Variants in TULP4 observed in about 807,000 individuals in gnomAD.
TULP4 encodes the protein tubby-related protein 4.
In TULP4, 16 loss-of-function variants were observed where a neutral mutation model predicts 129.0. That is an observed-to-expected ratio of 0.12 (90% confidence interval 0.08 to 0.19). The LOEUF is 0.19. TULP4 is among the 10% of genes least tolerant of loss of function. The pLI is 1.00. For missense variants in TULP4, 1,842 were observed against 2,059.1 expected (o/e 0.89, Z 2.04); for synonymous variants, 998 against 854.0 (o/e 1.17, Z -2.94).
chr6:158,502,179 G>A lies in TULP4; in HGVS notation c.2516G>A (p.Gly839Glu), dbSNP rs752341487. ...ATAAACCCTCCACCCCCGTACCCAG[G>A]AACCATCCCCGCTGCCCCCACCACA... ...TKINPPPPYP[G>E]TIPAAPTTAA... Residue 839 changes from glycine to glutamate, a missense_variant, in exon 13 of 14, where the codon GGA becomes GAA. By Grantham distance (98) the Gly-to-Glu change is moderately conservative. Around this residue, in one of 5 missense-constraint regions of TULP4, gnomAD observed 1,089 missense variants for 987.1 expected, o/e 1.10. Coordinates refer to ENST00000367097, the MANE Select transcript of TULP4 (RefSeq NM_020245.5). 32 of 1,545,224 alleles carry A rather than the reference G, an allele frequency of 2.1e-5. No individual in the cohort carries two copies. The highest frequency in any genetic ancestry group is 2.7e-5 in the Non-Finnish European group (31 of 1,145,130).
intron 1 of TULP4, among the ~76,000 whole-genome samples, chr6:158,250,888 C>T (rs1583675798): frequency 6.6e-6 from 1 of 152,312 alleles, no homozygotes; most frequent in Admixed American, 6.5e-5. Context: ...TACCAGTGAT[C>T]TATGGAGGTC....
At chr6:158,362,993 C>T (rs934878869) in intron 1 of TULP4, among the ~76,000 whole-genome samples, 2 of 133,164 alleles carry the variant, frequency 1.5e-5, no homozygotes, top group Non-Finnish European at 3.0e-5. Context: ...ACCCGGGAGG[C>T]GGAGTTTGCA....
In TULP4 at chr6:158,365,899, C is replaced by CTTT. The variant is rs5881257; in HGVS notation, c.253-47147_253-47145dup. ...TCTTTTTTTTTTTTTCTTTTTCTTT[C>CTTT]TTTTTTTTTTTTTTTTTTTTTGAGA... On this transcript the variant is annotated intron_variant, in intron 1 of 13. Transcript: ENST00000367097. Among the ~76,000 whole-genome samples, 185 of 57,564 alleles carry CTTT rather than the reference C, an allele frequency of 3.2e-3. 2 individuals are homozygous for CTTT. Among genetic ancestry groups the CTTT allele is most frequent in the East Asian group, 8.5e-3 (12 of 1,412 alleles). The allele number at this position is 57,564 out of a possible 152,430, so 37.8% of individuals were successfully genotyped here.
intron 1 of TULP4, chr6:158,237,805 A>G (rs1777746032): frequency 2.6e-6 from 2 of 770,516 alleles, no homozygotes; most frequent in African/African-American, 1.7e-5. Context: ...TTTTAGAGAC[A>G]TACTATCTGA....
chr6:158,316,042 T>A (rs1347107610), intron 1 of TULP4, among the ~76,000 whole-genome samples: 1 of 152,218 alleles, frequency 6.6e-6, no homozygotes, highest in Non-Finnish European at 1.5e-5. Flanking sequence ...GGAAATGGAA[T>A]CCTTCATTAC....
rs773306388 is a variant in TULP4 at position 158,503,344 on chromosome 6, T to C, written c.3681T>C (p.Leu1227=). 2 of 1,613,638 alleles carry C rather than the reference T, an allele frequency of 1.2e-6. No individual in the cohort carries two copies. Among genetic ancestry groups the C allele is most frequent in the South Asian group, 2.2e-5 (2 of 91,070 alleles). Residue 1227 remains leucine (L), a synonymous_variant, in exon 13 of 14, where the codon CTT becomes CTC. Transcript: ENST00000367097. The surrounding 1 kb of genome is among the most constrained non-coding windows in gnomAD (Gnocchi z 4.3). The part of the protein sequence containing the change: ...QFAQQEPAVV[L]QPLYPPSLSY... Reference sequence around the variant, plus strand: ...CACAACAGGAGCCTGCTGTGGTCCTTCAGCCGCTGTACCCACCCAGCCTCT... The same window carrying C: ...CACAACAGGAGCCTGCTGTGGTCCTCCAGCCGCTGTACCCACCCAGCCTCT...
intron 1 of TULP4, among the ~76,000 whole-genome samples, chr6:158,340,670 C>T (rs182311446): frequency 5.9e-5 from 9 of 152,258 alleles, no homozygotes; most frequent in African/African-American, 1.7e-4. Context: ...AAGGTGACTC[C>T]GCTGAGTCCT....
At chr6:158,278,755 T>A (rs996002772), upstream of TULP4, among the ~76,000 whole-genome samples, 4 of 152,112 alleles carry the variant, frequency 2.6e-5, no homozygotes, top group African/African-American at 9.7e-5. Context: ...CCTTTAAGCA[T>A]CTTATTGAAC....
At chr6:158,390,163 T>C (rs1777551651) in intron 1 of TULP4, among the ~76,000 whole-genome samples, 1 of 152,164 alleles carries the variant, frequency 6.6e-6, no homozygotes, top group Non-Finnish European at 1.5e-5. Context: ...ATATAACTTC[T>C]CTAGTATCCA....
intron 8 of TULP4, among the ~76,000 whole-genome samples, chr6:158,486,430 G>A (rs1418358741): frequency 6.6e-6 from 1 of 152,112 alleles, no homozygotes; most frequent in Non-Finnish European, 1.5e-5. Context: ...GCGGGTGCAT[G>A]TAGTCCCAGC....
intron 1 of TULP4, among the ~76,000 whole-genome samples, chr6:158,373,571 G>T (rs1473388443): frequency 6.6e-6 from 1 of 152,100 alleles, no homozygotes; most frequent in Non-Finnish European, 1.5e-5. Context: ...TTATCTCCAC[G>T]TGGTAATACT....
intron 1 of TULP4, among the ~76,000 whole-genome samples, chr6:158,363,126 A>C (rs1466101463): frequency 1.3e-5 from 2 of 151,116 alleles, no homozygotes; most frequent in Non-Finnish European, 2.9e-5. Flanking sequence ...TTGTCCAGCT[A>C]TTCACTGTTT....
intron 1 of TULP4, among the ~76,000 whole-genome samples, chr6:158,384,222 A>G (rs1402552143): frequency 6.6e-6 from 1 of 151,980 alleles, no homozygotes; most frequent in Admixed American, 6.6e-5. Context: ...ATAATGTAGT[A>G]TACGTTATGA....
intron 1 of TULP4, among the ~76,000 whole-genome samples, chr6:158,379,681 G>A (rs1777279947): frequency 6.6e-6 from 1 of 152,162 alleles, no homozygotes; most frequent in African/African-American, 2.4e-5. Context: ...AAAATATGCA[G>A]CTGCCAGAGA....
At chr6:158,289,648 A>G (rs1778896663) in intron 1 of TULP4, among the ~76,000 whole-genome samples, 1 of 152,094 alleles carries the variant, frequency 6.6e-6, no homozygotes, top group Admixed American at 6.6e-5. Context: ...TGGTGCAATC[A>G]TGGCTTACTT....
intron 1 of TULP4, among the ~76,000 whole-genome samples, chr6:158,249,368 CAGAA>C (rs1321293155): frequency 2.1e-4 from 30 of 145,304 alleles, no homozygotes; most frequent in African/African-American, 6.7e-4. Context: ...TAATAAAAGA[CAGAA>C]AGCTCACATT....
chr6:158,448,637 C>A (rs911289272), intron 3 of TULP4, among the ~76,000 whole-genome samples: 1 of 152,150 alleles, frequency 6.6e-6, no homozygotes, highest in Non-Finnish European at 1.5e-5. Context: ...GCTGCTTCTT[C>A]GTTTTCCAGA....
intron 1 of TULP4, among the ~76,000 whole-genome samples, chr6:158,352,882 A>G (rs569493314): frequency 8.5e-5 from 13 of 152,330 alleles, no homozygotes; most frequent in African/African-American, 2.9e-4. Flanking sequence ...ACATACATCT[A>G]TTTATTTTAA....
chr6:158,497,224 C>G (rs373130199), intron 11 of TULP4, among the ~76,000 whole-genome samples: 16 of 152,212 alleles, frequency 1.1e-4, no homozygotes, highest in African/African-American at 3.9e-4. Flanking sequence ...CCACTTGATT[C>G]TATTAATACT....
Sources: gnomAD v4.1 joint callset for allele counts (sites outside exome capture counted in the v4.1 genomes callset) on GRCh38, gnomAD v4.1.1 for gene constraint, gnomAD v4.1.1 regional missense constraint, Gnocchi (gnomAD v3.1) non-coding constraint, MANE v1.5 for transcripts, NCBI Gene and HGNC (gene_info 2026-07-23, HGNC 2026-07-21) for gene names.